Variants in MAP4 observed in about 807,000 individuals in gnomAD.
MAP4 encodes microtubule-associated protein 4.
In MAP4, 76 loss-of-function variants were observed where a neutral mutation model predicts 170.2. That is an observed-to-expected ratio of 0.45 (90% CI 0.37 to 0.54). The LOEUF is 0.54. Among genes scored for constraint, MAP4 ranks in the 20% least tolerant of loss-of-function variants. The pLI is 0.00. For missense variants in MAP4, 2,506 were observed against 2,748.0 expected, an observed-to-expected ratio of 0.91 and a Z score of 1.97; for synonymous variants, 909 against 994.5, an observed-to-expected ratio of 0.91 and a Z score of 1.62.
chr3:47,912,506 T>C lies in MAP4; in HGVS notation c.2000-85A>G, dbSNP rs1015199198. The C allele has an allele frequency of 4.1e-6, 5 of 1,227,236 alleles. No homozygotes were observed. The African/African-American group carries it at 4.6e-5, about 11-fold the overall frequency. The allele number at this position is 1,227,236 out of a possible 1,614,324, so 76.0% of individuals were successfully genotyped here. Reference sequence around the variant, plus strand: ...AAACAAACAAAAAAACCAGACCATATAAATGACTAATTTAAGGAGGCTATT... The same window carrying C: ...AAACAAACAAAAAAACCAGACCATACAAATGACTAATTTAAGGAGGCTATT... On this transcript the variant is annotated intron_variant, in intron 8 of 20. Coordinates refer to ENST00000683076, the MANE Select transcript of MAP4 (RefSeq NM_001385682.1).
At chr3:47,881,664 C>T (rs1223041922) in intron 10 of MAP4, among the ~76,000 whole-genome samples, 1 of 150,922 alleles carries the variant, frequency 6.6e-6, no homozygotes, top group Non-Finnish European at 1.5e-5. Context: ...CAGGTGTGAT[C>T]ATGGCTGACT....
intron 1 of MAP4, among the ~76,000 whole-genome samples, chr3:48,044,539 G>A (rs2100123388): frequency 6.6e-6 from 1 of 151,742 alleles, no homozygotes; most frequent in Non-Finnish European, 1.5e-5. Context: ...GAGGTGGGCA[G>A]ATCACTTGAG....
intron 1 of MAP4, among the ~76,000 whole-genome samples, chr3:48,086,578 G>T (rs926371737): frequency 1.3e-5 from 2 of 152,190 alleles, no homozygotes; most frequent in Admixed American, 6.5e-5. Context: ...GGTAGAGTCT[G>T]CAGTGAGCCG....
At chr3:47,994,924 G>A (rs530840891) in intron 2 of MAP4, among the ~76,000 whole-genome samples, 1 of 150,500 alleles carries the variant, frequency 6.6e-6, no homozygotes, top group Non-Finnish European at 1.5e-5. Flanking sequence ...ACTCCAGCCT[G>A]TGCAATAGAG....
At chr3:47,888,326 G>A (rs1012986017) in intron 10 of MAP4, among the ~76,000 whole-genome samples, 10 of 152,238 alleles carry the variant, frequency 6.6e-5, no homozygotes, top group African/African-American at 2.2e-4. Flanking sequence ...TTGTTCTTTC[G>A]TTCTTTGCAA....
At chr3:48,071,629 T>C (rs964553067) in intron 1 of MAP4, among the ~76,000 whole-genome samples, 1 of 152,004 alleles carries the variant, frequency 6.6e-6, no homozygotes, top group Non-Finnish European at 1.5e-5. Context: ...TACTTCTAAA[T>C]TCATGAAAAA....
chr3:47,975,513 A>C (rs993681856), intron 3 of MAP4: 2 of 1,248,222 alleles, frequency 1.6e-6, no homozygotes, highest in African/African-American at 3.0e-5. Context: ...AAGGGGAAGA[A>C]AAGGGTGGAA....
chr3:48,005,509 C>A (rs1489023485), intron 1 of MAP4, among the ~76,000 whole-genome samples: 1 of 152,160 alleles, frequency 6.6e-6, no homozygotes, highest in Non-Finnish European at 1.5e-5. Flanking sequence ...TAAGTAGGGA[C>A]TCTGCATTTA....
chr3:47,891,551 T>C, intron 10 of MAP4: 3 of 1,527,756 alleles, frequency 2.0e-6, no homozygotes, highest in Non-Finnish European at 2.6e-6. Flanking sequence ...ATCTGCAAGG[T>C]TGACAGCTGG....
intron 3 of MAP4, chr3:47,973,457 T>C: frequency 1.0e-6 from 1 of 985,296 alleles, no homozygotes; most frequent in Non-Finnish European, 1.2e-6. Flanking sequence ...AAAATTTCTT[T>C]CTTTCAAAAT....
At chr3:47,998,963 A>G in intron 1 of MAP4, 84 bp from the exon 2 acceptor site, 1 of 798,834 alleles carries the variant, frequency 1.3e-6, no homozygotes, top group Non-Finnish European at 2.1e-6. Flanking sequence ...ATTGTTTGAA[A>G]CAAACAAAAG....
chr3:47,896,526 T>C (rs183498842), intron 10 of MAP4, among the ~76,000 whole-genome samples: 3 of 152,082 alleles, frequency 2.0e-5, no homozygotes, highest in African/African-American at 4.8e-5. Flanking sequence ...CGAAACTCCA[T>C]CTCCAAACAA....
At chr3:48,011,871 A>C (rs2100105466) in intron 1 of MAP4, among the ~76,000 whole-genome samples, 1 of 152,168 alleles carries the variant, frequency 6.6e-6, no homozygotes, top group African/African-American at 2.4e-5. Context: ...GCTGTTATGA[A>C]CCAAAAACTA....
chr3:48,041,043 T>C (rs1396567774), intron 1 of MAP4, among the ~76,000 whole-genome samples: 1 of 151,902 alleles, frequency 6.6e-6, no homozygotes, highest in Non-Finnish European at 1.5e-5. Context: ...GCGTCAACAA[T>C]CCAAAAATGA....
rs533575356 is a variant in MAP4, at chr3:48,080,650, C to T, written c.-20+8123G>A. Among the ~76,000 whole-genome samples, 5 of 151,956 alleles carry T rather than the reference C, an allele frequency of 3.3e-5. No individual in the cohort carries two copies. In the East Asian group the frequency reaches 7.7e-4, roughly 23 times the overall value. On this transcript the variant is annotated intron_variant, in intron 1 of 18. Coordinates refer to the MAP4 transcript ENST00000360240. ...TTGCTTGAGGCCAGGAATTCAAGACCGGCCTGAGCAACATAGCAAGACTCT... is the reference window on the plus strand; with the variant it reads ...TTGCTTGAGGCCAGGAATTCAAGACTGGCCTGAGCAACATAGCAAGACTCT...
intron 3 of MAP4, chr3:47,960,263 T>C: frequency 4.7e-6 from 1 of 213,516 alleles, no homozygotes; most frequent in Admixed American, 4.4e-5. Flanking sequence ...TTATTCAGTA[T>C]ATTTCAGGCT....
Position 47,917,544 on chromosome 3 carries a change from G to T in MAP4, c.653-370C>A, listed in dbSNP as rs574220738. Among the ~76,000 whole-genome samples, 38 of 148,612 alleles carry T rather than the reference G, an allele frequency of 2.6e-4. 1 individual carries two copies. The South Asian group carries it at 6.8e-3, about 27-fold the overall frequency. ...GAGTTTGCAATGAACCGAGATCACGGCATTGCACTCCAGCCTGGGGGACAG... is the reference window on the plus strand; with the variant it reads ...GAGTTTGCAATGAACCGAGATCACGTCATTGCACTCCAGCCTGGGGGACAG... On this transcript the variant is annotated intron_variant, in intron 6 of 20. Coordinates refer to ENST00000683076, the MANE Select transcript of MAP4 (RefSeq NM_001385682.1).
intron 1 of MAP4, among the ~76,000 whole-genome samples, chr3:48,066,490 TTTTTA>T (rs2100138281): frequency 6.6e-6 from 1 of 152,028 alleles, no homozygotes; most frequent in African/African-American, 2.4e-5. Flanking sequence ...ATATATATAT[TTTTTA>T]TTTTATTTTA....
At chr3:47,960,684 AGTCT>A (rs1355746033) in intron 3 of MAP4, 1 of 160,650 alleles carries the variant, frequency 6.2e-6, no homozygotes, top group Non-Finnish European at 1.4e-5. Flanking sequence ...CTTTTTACCA[AGTCT>A]GTCAGTCTTC....
Sources: gnomAD v4.1 joint callset for allele counts (sites outside exome capture counted in the v4.1 genomes callset) on GRCh38, gnomAD v4.1.1 for gene constraint, MANE v1.5 for transcripts, NCBI Gene and HGNC (gene_info 2026-07-23, HGNC 2026-07-21) for gene names.